The following CEP112 variants were observed in gnomAD, a reference collection of about 807,000 sequenced individuals.
The protein encoded by CEP112 is centrosomal protein 112, also known as centrosomal protein of 112 kDa.
Under a neutral mutation model 153.0 loss-of-function variants are expected in CEP112, and 127 were observed. That is an observed-to-expected ratio of 0.83 (90% CI 0.72 to 0.96). CEP112 has a LOEUF of 0.96. Ranked by LOEUF, CEP112 falls within the 40% of genes least tolerant of loss-of-function variation. The probability of loss-of-function intolerance (pLI) is 0.00; values close to 1 mark genes in which losing one functional copy is unlikely to be tolerated. For synonymous variants in CEP112, 358 were observed against 374.4 expected, an observed-to-expected ratio of 0.96 and a Z score of 0.51; for missense variants, 1,089 against 1,101.2, an observed-to-expected ratio of 0.99 and a Z score of 0.16.
At chr17:66,167,583 C>G (rs2072030777) in intron 4 of CEP112, among the ~76,000 whole-genome samples, 1 of 152,092 alleles carries the variant, frequency 6.6e-6, no homozygotes, top group East Asian at 1.9e-4. Flanking sequence ...CTAGAAATAA[C>G]CAAAAACAAA....
At chr17:66,122,225 G>A (rs1198657602) in intron 6 of CEP112, among the ~76,000 whole-genome samples, 4 of 151,898 alleles carry the variant, frequency 2.6e-5, no homozygotes, top group Admixed American at 6.6e-5. Flanking sequence ...TTTAAACATC[G>A]TTTCCTTTAG....
chr17:65,684,810 T>C (rs1053545498), intron 24 of CEP112, among the ~76,000 whole-genome samples: 2 of 152,200 alleles, frequency 1.3e-5, no homozygotes, highest in Admixed American at 6.5e-5. Context: ...TGTTGTACAT[T>C]AGGGAAGTCA....
intron 21 of CEP112, among the ~76,000 whole-genome samples, chr17:65,769,501 C>G (rs1184347074): frequency 6.6e-6 from 1 of 151,994 alleles, no homozygotes; most frequent in Admixed American, 6.6e-5. Flanking sequence ...ATCACAAATC[C>G]TGATTTAAAA....
intron 20 of CEP112, among the ~76,000 whole-genome samples, chr17:65,878,699 G>A (rs910398075): frequency 1.3e-5 from 2 of 152,036 alleles, no homozygotes; most frequent in Non-Finnish European, 2.9e-5. Context: ...CTGGGCTCTG[G>A]TACTATAAAG....
rs138562337 is a variant in CEP112, at chr17:66,082,417, A to C, written c.769-12416T>G. 7.0e-3 allele frequency among the ~76,000 whole-genome samples: 1,073 copies of C among 152,372 alleles called. 3 individuals are homozygous for C. Among genetic ancestry groups the C allele is most frequent in the Non-Finnish European group, 9.8e-3 (670 of 68,028 alleles). On this transcript the variant is annotated intron_variant, in intron 8 of 26. Transcript: ENST00000535342. ...GTCACTGAACATGTTTTCCCATAAC[A>C]TATGAGAAATATGCCCAAAATAAAT...
intron 20 of CEP112, among the ~76,000 whole-genome samples, chr17:65,881,703 C>T (rs759020997): frequency 6.6e-6 from 1 of 152,076 alleles, no homozygotes; most frequent in Non-Finnish European, 1.5e-5. Context: ...TGACAACATG[C>T]CAATGGTATA....
chr17:65,893,091 G>A (rs1024361094), intron 20 of CEP112, among the ~76,000 whole-genome samples: 2 of 152,016 alleles, frequency 1.3e-5, no homozygotes, highest in African/African-American at 4.8e-5. Context: ...TTAAGATGGT[G>A]GGCCTGGCTG....
At chr17:65,725,596 T>A (rs1214956011) in intron 23 of CEP112, among the ~76,000 whole-genome samples, 2 of 152,098 alleles carry the variant, frequency 1.3e-5, no homozygotes, top group East Asian at 3.9e-4. Flanking sequence ...GGATTACAGG[T>A]GTGAGCCACT....
chr17:65,993,669 T>G (rs2063677359), intron 17 of CEP112, among the ~76,000 whole-genome samples: 1 of 152,140 alleles, frequency 6.6e-6, no homozygotes, highest in Admixed American at 6.5e-5. Context: ...AATGAGCATG[T>G]AAAAACTACA....
chr17:65,971,330 T>C (rs73338619), intron 17 of CEP112, among the ~76,000 whole-genome samples: 10,043 of 151,176 alleles, frequency 0.066, 484 homozygotes, highest in African/African-American at 0.12. Context: ...CTTAAAAATA[T>C]ATTACATGTA....
chr17:65,701,551 T>C (rs747067547), intron 23 of CEP112, among the ~76,000 whole-genome samples: 1 of 152,186 alleles, frequency 6.6e-6, no homozygotes, highest in Non-Finnish European at 1.5e-5. Context: ...CTGCCTGATA[T>C]GGGCAACAGA....
At chr17:65,846,489 A>G (rs991718970) in intron 21 of CEP112, among the ~76,000 whole-genome samples, 1 of 152,254 alleles carries the variant, frequency 6.6e-6, no homozygotes, top group Non-Finnish European at 1.5e-5. Context: ...ATGTGGATAA[A>G]TCAATAACAG....
At chr17:65,883,540 T>C (rs2059163539) in intron 20 of CEP112, among the ~76,000 whole-genome samples, 1 of 152,090 alleles carries the variant, frequency 6.6e-6, no homozygotes, top group Admixed American at 6.5e-5. Context: ...TTTTGTACTT[T>C]TTTTAGTAGA....
chr17:65,995,706 T>C (rs1441332200), intron 17 of CEP112, among the ~76,000 whole-genome samples: 1 of 152,230 alleles, frequency 6.6e-6, no homozygotes, highest in Non-Finnish European at 1.5e-5. Flanking sequence ...GTCTGATTTT[T>C]ACCCTAACGA....
rs764639496 is a variant in CEP112, at chr17:66,129,813, G to A, written c.575C>T (p.Ser192Leu). The change falls in exon 6 of 27, where the codon TCG (serine) becomes TTG (leucine). Residue 192 changes from serine to leucine, a missense_variant. Transcript: ENST00000535342. ...ATCCAAAGAAACAGGAGATTTTTTC[G>A]AATAAACTTCCTGAAATACAAAAGG... is the stretch of plus-strand genomic sequence containing the variant. Reference protein sequence around the residue: ...NITPKICEVYSKKSPVSLDDS... With the variant: ...NITPKICEVYLKKSPVSLDDS... 17 of 1,606,122 alleles carry A rather than the reference G, an allele frequency of 1.1e-5. No homozygotes were observed. The highest frequency in any genetic ancestry group is 1.4e-5 in the Non-Finnish European group (17 of 1,174,816).
chr17:66,158,771 C>T (rs991632022), intron 4 of CEP112, among the ~76,000 whole-genome samples: 5 of 152,116 alleles, frequency 3.3e-5, no homozygotes, highest in African/African-American at 1.2e-4. Flanking sequence ...AATTGACACC[C>T]TAACATCACA....
chr17:66,181,090 T>C (rs1338032963), intron 2 of CEP112, among the ~76,000 whole-genome samples: 3 of 152,188 alleles, frequency 2.0e-5, no homozygotes, highest in African/African-American at 7.2e-5. Flanking sequence ...GAAATCTATA[T>C]AATATTCTAA....
At chr17:65,928,392 TAG>T (rs1487349440) in intron 18 of CEP112, among the ~76,000 whole-genome samples, 1 of 152,210 alleles carries the variant, frequency 6.6e-6, no homozygotes, top group Non-Finnish European at 1.5e-5. Flanking sequence ...AAACATTAAA[TAG>T]AGTTACATGT....
intron 4 of CEP112, among the ~76,000 whole-genome samples, chr17:66,144,683 G>C (rs2070847793): frequency 6.6e-6 from 1 of 151,936 alleles, no homozygotes; most frequent in Non-Finnish European, 1.5e-5. Context: ...ACAGAGCAAG[G>C]CTCCACCTCA....
Sources: allele counts gnomAD v4.1 joint callset (sites outside exome capture counted in the v4.1 genomes callset), GRCh38; gene constraint gnomAD v4.1.1; transcripts MANE v1.5; gene names NCBI Gene and HGNC (gene_info 2026-07-23, HGNC 2026-07-21).